RNF17: variants seen among roughly 807,000 people sequenced by gnomAD.
RNF17 encodes spermatogenesis associated 23.
RNF17 carries 31 observed loss-of-function variants against 200.5 expected under a neutral mutation model. That is an observed-to-expected ratio of 0.15 (90% CI 0.12 to 0.21). The LOEUF is 0.21. Among genes scored for constraint, RNF17 ranks in the 10% least tolerant of loss-of-function variants. RNF17 has a pLI of 1.00. For synonymous variants in RNF17, 606 were observed against 637.8 expected (o/e 0.95, Z 0.75); for missense variants, 1,628 against 1,905.1 (o/e 0.85, Z 2.71).
rs569521143 is a variant in RNF17 at position 24,862,310 on chromosome 13, T to G, written c.3895-403T>G. 8.5e-5 allele frequency among the ~76,000 whole-genome samples: 13 copies of G among 152,340 alleles called. No individual in the cohort carries two copies. In the East Asian group the frequency reaches 9.6e-4, roughly 11 times the overall value. On this transcript the variant is annotated intron_variant, in intron 27 of 35. Coordinates refer to ENST00000255324, the MANE Select transcript of RNF17 (RefSeq NM_031277.3). Reference sequence around the variant, plus strand: ...ACATTGCTTTGGCAGGAAGCCTCACTTCTCACCATGTGAACCTCTCAACGC... The same window carrying G: ...ACATTGCTTTGGCAGGAAGCCTCACGTCTCACCATGTGAACCTCTCAACGC...
At position 24,768,285 on chromosome 13, in the gene RNF17, T is replaced by A. The variant is rs528698952; in HGVS notation, c.225+919T>A. Among the ~76,000 whole-genome samples the A allele has an allele frequency of 6.8e-4, 54 of 79,902 alleles. No individual in the cohort carries two copies. In the East Asian group the frequency reaches 0.021, roughly 31 times the overall value. The allele number at this position is 79,902 out of a possible 152,430, so 52.4% of individuals were successfully genotyped here. On this transcript the variant is annotated intron_variant, in intron 2 of 35. Transcript: ENST00000255324. ...TGGAAAGTTGACTCAAGCTGTAAAT[T>A]CCTTTTTTTTTTTTTTTGAGACGGA...
intron 30 of RNF17, among the ~76,000 whole-genome samples, chr13:24,868,284 A>C (rs1009705089): frequency 2.7e-5 from 4 of 150,452 alleles, no homozygotes; most frequent in South Asian, 2.1e-4. Flanking sequence ...TCCCGGCTAA[A>C]ACGGTGAAAC....
chr13:24,761,311 A>G (rs1878721255), upstream of RNF17, among the ~76,000 whole-genome samples: 3 of 152,216 alleles, frequency 2.0e-5, no homozygotes, highest in Admixed American at 2.0e-4. Context: ...TTGGGAATAA[A>G]TATGTTATAT....
the RNF17 span, chr13:24,751,257 A>T: frequency 6.6e-6 from 1 of 151,764 alleles, no homozygotes; most frequent in African/African-American, 2.4e-5. Context: ...ATCCATCATC[A>T]TCGTCAGCAG....
the RNF17 span, among the ~76,000 whole-genome samples, chr13:24,757,495 TG>T: frequency 6.6e-6 from 1 of 152,096 alleles, no homozygotes; most frequent in East Asian, 1.9e-4. Context: ...GGCTAATTTT[TG>T]TATTTTTAAT....
At chr13:24,854,739 C>T (rs889055098) in intron 25 of RNF17, among the ~76,000 whole-genome samples, 10 of 152,274 alleles carry the variant, frequency 6.6e-5, no homozygotes, top group Non-Finnish European at 1.2e-4. Flanking sequence ...ATGACTCCCA[C>T]AATGGGTCAA....
chr13:24,761,575 G>A (rs1418338226), upstream of RNF17, among the ~76,000 whole-genome samples: 1 of 152,190 alleles, frequency 6.6e-6, no homozygotes, highest in Non-Finnish European at 1.5e-5. Context: ...TTTCTCAGCT[G>A]TTTAGGAGAT....
chr13:24,763,204 CTTT>C (rs11329776), upstream of RNF17, among the ~76,000 whole-genome samples: 2,144 of 129,152 alleles, frequency 0.017, 24 homozygotes, highest in Middle Eastern at 0.067. Context: ...TGCTTCAACT[CTTT>C]TTTTTTTTTT....
chr13:24,851,449 A>T lies in RNF17; in HGVS notation c.3205-7A>T. 1 of 1,588,574 alleles carries T rather than the reference A, an allele frequency of 6.3e-7. No individual in the cohort carries two copies. ...TTCATATTTACTCTGCTCTTAAATC[A>T]CTACAGGAAAACAACACAACATGGC... On this transcript the variant is annotated splice_region_variant and splice_polypyrimidine_tract_variant and intron_variant, in intron 23 of 35. Coordinates refer to ENST00000255324, the MANE Select transcript of RNF17 (RefSeq NM_031277.3).
intron 11 of RNF17, among the ~76,000 whole-genome samples, chr13:24,796,666 G>T (rs1884616053): frequency 6.6e-6 from 1 of 152,162 alleles, no homozygotes; most frequent in South Asian, 2.1e-4. Flanking sequence ...GAGTGTTGGG[G>T]CTAGCATTGA....
chr13:24,815,352 A>G (rs1887249167), intron 15 of RNF17, among the ~76,000 whole-genome samples: 1 of 151,960 alleles, frequency 6.6e-6, no homozygotes, highest in Non-Finnish European at 1.5e-5. Flanking sequence ...TTACTAATGT[A>G]TTAAAACACA....
intron 22 of RNF17, among the ~76,000 whole-genome samples, chr13:24,848,237 G>A (rs1447420587): frequency 1.3e-5 from 2 of 152,078 alleles, no homozygotes; most frequent in East Asian, 1.9e-4. Flanking sequence ...ACCCAGAACC[G>A]GGACTCTAAC....
rs1491437559 is a variant in RNF17 at position 24,797,706 on chromosome 13, G to GTT, written c.1399+1412_1399+1413insTT. Among the ~76,000 whole-genome samples the GTT allele has an allele frequency of 6.0e-3, 338 of 56,638 alleles. 2 individuals are homozygous for GTT. The highest frequency in any genetic ancestry group is 7.8e-3 in the Non-Finnish European group (202 of 25,888). 37.2% of individuals were successfully genotyped at this position (56,638 alleles called of 152,430 possible). Reference sequence around the variant, plus strand: ...AGAGAGAGAGAGAGAGAGACAAAGAGTGTGTGTGTGTGTGTGTGTGTGTGT... The same window carrying GTT: ...AGAGAGAGAGAGAGAGAGACAAAGAGTTTGTGTGTGTGTGTGTGTGTGTGTGT... On this transcript the variant is annotated intron_variant, in intron 11 of 35. Coordinates refer to ENST00000255324, the MANE Select transcript of RNF17 (RefSeq NM_031277.3).
At chr13:24,881,852 C>CTATATAGA (rs200133382), downstream of RNF17, among the ~76,000 whole-genome samples, 1 of 118,350 alleles carries the variant, frequency 8.4e-6, no homozygotes, top group Non-Finnish European at 1.8e-5. Flanking sequence ...ATAGATACAT[C>CTATATAGA]TATATAGATA....
chr13:24,882,364 G>A (rs1289995507), downstream of RNF17: 1 of 151,910 alleles, frequency 6.6e-6, no homozygotes, highest in East Asian at 1.9e-4. Flanking sequence ...CATAGTATAT[G>A]TGACAGGTAA....
chr13:24,758,726 C>T, the RNF17 span, among the ~76,000 whole-genome samples: 4 of 152,000 alleles, frequency 2.6e-5, no homozygotes, highest in African/African-American at 9.7e-5. Context: ...TTTACCATGA[C>T]TAGGCAAAAT....
intron 32 of RNF17, among the ~76,000 whole-genome samples, chr13:24,871,834 T>C (rs1894290339): frequency 6.6e-6 from 1 of 152,132 alleles, no homozygotes; most frequent in African/African-American, 2.4e-5. Flanking sequence ...GGTTTCACTA[T>C]CTTGGCCGGT....
chr13:24,767,404 C>A, intron 2 of RNF17, 38 bp downstream of exon 2: 1 of 1,312,794 alleles, frequency 7.6e-7, no homozygotes, highest in Non-Finnish European at 1.1e-6. Context: ...CATATCACAA[C>A]CTAATGTTAA....
intron 25 of RNF17, among the ~76,000 whole-genome samples, chr13:24,858,796 A>G (rs1333719276): frequency 6.6e-6 from 1 of 151,958 alleles, no homozygotes; most frequent in African/African-American, 2.4e-5. Flanking sequence ...GCTCCTTATG[A>G]TGTTTGTACT....
Sources: gnomAD v4.1 joint callset for allele counts (sites outside exome capture counted in the v4.1 genomes callset) on GRCh38, gnomAD v4.1.1 for gene constraint, MANE v1.5 for transcripts, NCBI Gene and HGNC (gene_info 2026-07-23, HGNC 2026-07-21) for gene names.